The following ADAMTS18 variants were observed in gnomAD, a reference collection of about 807,000 sequenced individuals.
ADAMTS18 encodes ADAM metallopeptidase with thrombospondin type 1 motif 18, also known as A disintegrin and metalloproteinase with thrombospondin motifs 18.
In ADAMTS18, 157 loss-of-function variants were observed where a neutral mutation model predicts 165.9. That is an observed-to-expected ratio of 0.95 (90% CI 0.83 to 1.08). The LOEUF (loss-of-function observed/expected upper bound fraction) is 1.08, where lower values mean the gene tolerates loss of function less well. Among genes scored for constraint, ADAMTS18 ranks in the 50% least tolerant of loss-of-function variants. ADAMTS18 has a pLI of 0.00. For synonymous variants in ADAMTS18, 782 were observed against 578.2 expected (o/e 1.35, Z -5.06); for missense variants, 2,040 against 1,534.0 (o/e 1.33, Z -5.51).
At chr16:77,372,243 T>C (rs548484486) in intron 3 of ADAMTS18, among the ~76,000 whole-genome samples, 2 of 152,344 alleles carry the variant, frequency 1.3e-5, no homozygotes, top group Non-Finnish European at 2.9e-5. Context: ...TTCTACCATA[T>C]GATCCAGCAA....
rs775861888 is a variant in ADAMTS18 at position 77,295,001 on chromosome 16, T to A, written c.2928A>T (p.Pro976=). The A allele has an allele frequency of 1.9e-6, 3 of 1,614,186 alleles. No individual in the cohort carries two copies. In the Admixed American group the frequency reaches 5.0e-5, roughly 27 times the overall value. Residue 976 remains proline, a synonymous_variant, in exon 19 of 23, where the codon CCA becomes CCT. Transcript: ENST00000282849. ...KEEAVLHSLC[P]VSTPTQVQAC... ...CTTGGACCTGAGTGGGTGTGCTCACTGGACAGAGAGAATGCAACACTGCTT... is the reference window on the plus strand; with the variant it reads ...CTTGGACCTGAGTGGGTGTGCTCACAGGACAGAGAGAATGCAACACTGCTT...
intron 3 of ADAMTS18, among the ~76,000 whole-genome samples, chr16:77,404,737 T>A (rs1325917564): frequency 6.6e-6 from 1 of 152,144 alleles, no homozygotes; most frequent in Non-Finnish European, 1.5e-5. Flanking sequence ...ATCCTTTGCG[T>A]CTAAGGTGAC....
In ADAMTS18 at chr16:77,321,122, G is replaced by A. The variant is rs2144640053; in HGVS notation, c.2244C>T (p.Cys748=). ...CGVCKGDNST[C]KFYKGLYLNQ... is the part of the protein sequence containing the mutation. Reference sequence around the variant, plus strand: ...TGAGGTACAGGCCTTTATAAAACTTGCAAGTTGAATTATCACCTTTGCAAA... The same window carrying A: ...TGAGGTACAGGCCTTTATAAAACTTACAAGTTGAATTATCACCTTTGCAAA... The change falls in exon 15 of 23, where the codon TGC becomes TGT. Residue 748 remains cysteine, a synonymous_variant. Coordinates refer to ENST00000282849, the MANE Select transcript of ADAMTS18 (RefSeq NM_199355.4). 9.3e-6 allele frequency: 15 copies of A among 1,614,156 alleles called. No individual in the cohort carries two copies. The highest frequency in any genetic ancestry group is 1.3e-5 in the African/African-American group (1 of 75,058).
At chr16:77,321,380 T>C (rs1384705375) in intron 14 of ADAMTS18, among the ~76,000 whole-genome samples, 178 bp from the exon 15 acceptor site, 1 of 152,166 alleles carries the variant, frequency 6.6e-6, no homozygotes, top group Non-Finnish European at 1.5e-5. Flanking sequence ...TCCCCTGACA[T>C]TATTAGATGA....
chr16:77,301,152 G>A (rs191770026), intron 16 of ADAMTS18, among the ~76,000 whole-genome samples: 2 of 152,120 alleles, frequency 1.3e-5, no homozygotes, highest in Non-Finnish European at 2.9e-5. Flanking sequence ...CATAAAGTCT[G>A]ACTACTAAAA....
intron 21 of ADAMTS18, among the ~76,000 whole-genome samples, chr16:77,290,358 T>C (rs1457729544): frequency 6.6e-6 from 1 of 152,110 alleles, no homozygotes; most frequent in East Asian, 1.9e-4. Context: ...AACAGGCAGG[T>C]ATTGGGGGAG....
chr16:77,335,380 T>C (rs146980892), intron 12 of ADAMTS18, among the ~76,000 whole-genome samples: 1,615 of 151,054 alleles, frequency 0.011, 28 homozygotes, highest in African/African-American at 0.037. Flanking sequence ...GGTTAATGGG[T>C]ACAAAAATAT....
chr16:77,374,157 T>C (rs1166300356), intron 3 of ADAMTS18, among the ~76,000 whole-genome samples: 1 of 150,740 alleles, frequency 6.6e-6, no homozygotes, highest in Non-Finnish European at 1.5e-5. Context: ...AGGAGCAGTT[T>C]GCAGCGCACT....
intron 19 of ADAMTS18, among the ~76,000 whole-genome samples, chr16:77,293,744 T>C (rs374716392): frequency 6.7e-6 from 1 of 149,362 alleles, no homozygotes; most frequent in East Asian, 2.0e-4. Flanking sequence ...ACGCATGAGA[T>C]TCTCATAAGT....
In ADAMTS18 at chr16:77,285,800, C is replaced by T. The variant is rs190378313; in HGVS notation, c.3551-1729G>A. Among the ~76,000 whole-genome samples the T allele has an allele frequency of 4.6e-5, 7 of 152,296 alleles. No individual in the cohort carries two copies. In the East Asian group the frequency reaches 1.2e-3, roughly 25 times the overall value. On this transcript the variant is annotated intron_variant, in intron 22 of 22. Coordinates refer to ENST00000282849, the MANE Select transcript of ADAMTS18 (RefSeq NM_199355.4). ...GTTCTCCATGCAATCAGCAGATACT[C>T]TTGGCTCAATCTTTAAAATGCACCC... is the stretch of plus-strand genomic sequence containing the variant.
chr16:77,307,101 G>T (rs1484822060), intron 16 of ADAMTS18, among the ~76,000 whole-genome samples: 2 of 152,266 alleles, frequency 1.3e-5, no homozygotes, highest in African/African-American at 4.8e-5. Context: ...AAGAATACTT[G>T]ATCTCCTCAA....
intron 4 of ADAMTS18, 56 bp from the exon 5 acceptor site, chr16:77,364,437 A>C: frequency 5.1e-6 from 8 of 1,565,600 alleles, no homozygotes; most frequent in Non-Finnish European, 5.2e-6. Flanking sequence ...TGGATAAGAC[A>C]GTTGAGAGAG....
chr16:77,353,096 C>T (rs745955823), intron 10 of ADAMTS18, among the ~76,000 whole-genome samples: 10 of 128,126 alleles, frequency 7.8e-5, no homozygotes, highest in African/African-American at 3.2e-4. Flanking sequence ...ACAACAACGA[C>T]AACAACAACA....
intron 3 of ADAMTS18, among the ~76,000 whole-genome samples, chr16:77,410,843 G>A (rs2057453264): frequency 6.6e-6 from 1 of 152,110 alleles, no homozygotes; most frequent in Admixed American, 6.6e-5. Context: ...CAGCCAATAT[G>A]GCAACAGAAA....
At chr16:77,287,943 C>A (rs966276250) in intron 22 of ADAMTS18, among the ~76,000 whole-genome samples, 1 of 152,138 alleles carries the variant, frequency 6.6e-6, no homozygotes, top group Admixed American at 6.5e-5. Flanking sequence ...CAGCTGTATT[C>A]TTTCATCCCT....
rs766138350 is a variant in ADAMTS18, at chr16:77,293,142, C to T, written c.3123G>A (p.Glu1041=). ...TGGGGCATCGTCCAAGCACACAGCC[C>T]TCCTGCAGCTCAGGTCTGGGGAGAC... ...CTSLPRPELQ[E]GCVLGRCPKN... is the part of the protein sequence containing the mutation. The change falls in exon 20 of 23, where the codon GAG becomes GAA. Residue 1041 remains glutamate (E), a synonymous_variant. Transcript: ENST00000282849. The T allele has an allele frequency of 8.7e-6, 14 of 1,613,896 alleles. No individual in the cohort carries two copies. In the Admixed American group the frequency reaches 2.2e-4, roughly 25 times the overall value.
At chr16:77,367,982 T>C (rs987333679) in intron 3 of ADAMTS18, among the ~76,000 whole-genome samples, 3 of 152,108 alleles carry the variant, frequency 2.0e-5, no homozygotes, top group African/African-American at 4.8e-5. Context: ...GCTCAAGTGA[T>C]CCTCCCAGCT....
At chr16:77,304,611 G>A (rs1046116689) in intron 16 of ADAMTS18, among the ~76,000 whole-genome samples, 1 of 152,128 alleles carries the variant, frequency 6.6e-6, no homozygotes, top group African/African-American at 2.4e-5. Context: ...TGAACTAAAG[G>A]TAAGACCAGC....
chr16:77,415,902 C>T (rs1480242582), intron 3 of ADAMTS18, among the ~76,000 whole-genome samples: 1 of 152,084 alleles, frequency 6.6e-6, no homozygotes, highest in African/African-American at 2.4e-5. Context: ...TACATACATT[C>T]ATGTAACAAA....
Sources: allele counts gnomAD v4.1 joint callset (sites outside exome capture counted in the v4.1 genomes callset), GRCh38; gene constraint gnomAD v4.1.1; transcripts MANE v1.5; gene names NCBI Gene and HGNC (gene_info 2026-07-23, HGNC 2026-07-21).